The following KCNIP4 variants were observed in gnomAD, a reference collection of about 807,000 sequenced individuals.
KCNIP4 encodes Kv channel-interacting protein 4.
A neutral mutation model predicts 34.0 loss-of-function variants in KCNIP4; 12 were observed. The ratio of observed to expected loss-of-function variants is 0.35; its 90% CI spans 0.23 to 0.57. The LOEUF is 0.57. KCNIP4 is among the 20% of genes least tolerant of loss of function. The probability of loss-of-function intolerance (pLI) is 0.83; values close to 1 mark genes in which losing one functional copy is unlikely to be tolerated. For missense variants in KCNIP4, 238 were observed against 311.7 expected (o/e 0.76, Z 1.78); for synonymous variants, 124 against 102.2 (o/e 1.21, Z -1.29).
chr4:21,422,196 CTT>C (rs35669431), intron 1 of KCNIP4, among the ~76,000 whole-genome samples: 37,811 of 141,626 alleles, frequency 0.27, 5,477 homozygotes, highest in Non-Finnish European at 0.37. Flanking sequence ...CTGCAGCCTA[CTT>C]TTTTTTTTTT....
intron 4 of KCNIP4, 35 bp from the exon 5 acceptor site, chr4:20,749,767 T>C (rs1440741342): frequency 7.1e-7 from 1 of 1,417,862 alleles, no homozygotes. Flanking sequence ...ATTAAGTCAG[T>C]GTTTCCATAT....
intron 1 of KCNIP4, among the ~76,000 whole-genome samples, chr4:21,705,638 G>C (rs1713208384): frequency 6.6e-6 from 1 of 152,080 alleles, no homozygotes; most frequent in African/African-American, 2.4e-5. Context: ...ATGGAGGGAA[G>C]GGATGGCAGG....
chr4:21,209,088 C>T (rs1757050604), intron 1 of KCNIP4, among the ~76,000 whole-genome samples: 1 of 152,138 alleles, frequency 6.6e-6, no homozygotes, highest in African/African-American at 2.4e-5. Flanking sequence ...GGTGGGAACA[C>T]AACAAAACCA....
At chr4:21,211,766 A>G (rs1386687751) in intron 1 of KCNIP4, among the ~76,000 whole-genome samples, 2 of 152,216 alleles carry the variant, frequency 1.3e-5, no homozygotes, top group Non-Finnish European at 2.9e-5. Flanking sequence ...AGTTAGGGAC[A>G]CAATTATATC....
chr4:20,968,823 C>G (rs1041860965), intron 1 of KCNIP4, among the ~76,000 whole-genome samples: 18 of 151,914 alleles, frequency 1.2e-4, no homozygotes, highest in African/African-American at 4.1e-4. Context: ...AAATATCTAA[C>G]GTAAATGACC....
intron 1 of KCNIP4, among the ~76,000 whole-genome samples, chr4:21,530,538 A>T (rs542773805): frequency 6.6e-6 from 1 of 152,292 alleles, no homozygotes; most frequent in Admixed American, 6.5e-5. Context: ...AATTTGGTAA[A>T]AATTGGGCAA....
At chr4:20,843,167 C>T (rs1311893332) in intron 3 of KCNIP4, among the ~76,000 whole-genome samples, 4 of 152,048 alleles carry the variant, frequency 2.6e-5, no homozygotes, top group Non-Finnish European at 5.9e-5. Flanking sequence ...CTAGGCTTCC[C>T]AAAGTGCTAG....
intron 1 of KCNIP4, among the ~76,000 whole-genome samples, chr4:21,141,774 T>C (rs1751969902): frequency 2.6e-5 from 4 of 152,022 alleles, no homozygotes; most frequent in Non-Finnish European, 1.5e-5. Context: ...TAAAATCTCT[T>C]TTTAGGGCAT....
Position 20,729,262 on chromosome 4 carries a change from A to G in KCNIP4, c.*820T>C, listed in dbSNP as rs1747101124. 1 of 152,494 alleles carries G rather than the reference A, an allele frequency of 6.6e-6. No homozygotes were observed. The highest frequency in any genetic ancestry group is 2.1e-4 in the South Asian group (1 of 4,828). 9.4% of individuals were successfully genotyped at this position (152,494 alleles called of 1,614,324 possible). On this transcript the variant is annotated 3_prime_UTR_variant, in exon 9 of 9. Transcript: ENST00000382152. ...GGATAGATATCCTGACCCTTTGCATATGTCTGTAAACATCCTTGTTTTGTT... is the reference window on the plus strand; with the variant it reads ...GGATAGATATCCTGACCCTTTGCATGTGTCTGTAAACATCCTTGTTTTGTT...
At chr4:20,911,396 A>T (rs377449676) in intron 1 of KCNIP4, among the ~76,000 whole-genome samples, 1 of 152,182 alleles carries the variant, frequency 6.6e-6, no homozygotes, top group South Asian at 2.1e-4. Context: ...ATTTTATATA[A>T]CAGAAGGAAC....
chr4:21,808,052 C>T (rs941511933), intron 1 of KCNIP4, among the ~76,000 whole-genome samples: 6 of 151,956 alleles, frequency 3.9e-5, no homozygotes, highest in Non-Finnish European at 5.9e-5. Context: ...CATTAAATTA[C>T]AAAGAAAATT....
At chr4:21,908,058 C>A (rs959411032) in intron 1 of KCNIP4, among the ~76,000 whole-genome samples, 3 of 151,954 alleles carry the variant, frequency 2.0e-5, no homozygotes, top group African/African-American at 7.3e-5. Flanking sequence ...CCTTCCTGCT[C>A]CAAAAGTCTC....
intron 1 of KCNIP4, among the ~76,000 whole-genome samples, chr4:21,560,859 T>G (rs1739445707): frequency 6.6e-6 from 1 of 152,050 alleles, no homozygotes; most frequent in Admixed American, 6.6e-5. Flanking sequence ...AGTACAATAC[T>G]GTGTGCTGTT....
intron 3 of KCNIP4, among the ~76,000 whole-genome samples, chr4:20,835,622 T>C (rs1391207444): frequency 6.6e-6 from 1 of 152,146 alleles, no homozygotes; most frequent in African/African-American, 2.4e-5. Flanking sequence ...GTTACATATA[T>C]GCTGGTGACC....
intron 1 of KCNIP4, among the ~76,000 whole-genome samples, chr4:21,077,695 T>C (rs1198830843): frequency 6.6e-6 from 1 of 152,158 alleles, no homozygotes; most frequent in Non-Finnish European, 1.5e-5. Context: ...AATTAGCTCA[T>C]ATAATAAATG....
chr4:20,931,789 A>G (rs1231179800), intron 1 of KCNIP4, among the ~76,000 whole-genome samples: 1 of 152,062 alleles, frequency 6.6e-6, no homozygotes, highest in Admixed American at 6.6e-5. Flanking sequence ...GGGTGGGGGA[A>G]AAAATGAGAT....
chr4:21,528,687 GAAAGAAAGA>G (rs1736211411), intron 1 of KCNIP4, among the ~76,000 whole-genome samples: 2 of 2,112 alleles, frequency 9.5e-4, no homozygotes, highest in African/African-American at 1.8e-3. Context: ...AAGAAAGAAA[GAAAGAAAGA>G]AAGAAAGAAA....
intron 1 of KCNIP4, among the ~76,000 whole-genome samples, chr4:21,238,515 A>G (rs1385645459): frequency 6.6e-6 from 1 of 152,242 alleles, no homozygotes; most frequent in Non-Finnish European, 1.5e-5. Flanking sequence ...TTAAGCTGAT[A>G]AGCAACTTCA....
At chr4:20,775,718 TAAAA>T (rs1475368696) in intron 3 of KCNIP4, among the ~76,000 whole-genome samples, 1 of 152,004 alleles carries the variant, frequency 6.6e-6, no homozygotes, top group Admixed American at 6.6e-5. Flanking sequence ...AATAAATAAT[TAAAA>T]AGAATAATGA....
Sources: allele counts gnomAD v4.1 joint callset (sites outside exome capture counted in the v4.1 genomes callset), GRCh38; gene constraint gnomAD v4.1.1; transcripts MANE v1.5; gene names NCBI Gene and HGNC (gene_info 2026-07-23, HGNC 2026-07-21).